NPY5R: variants seen among roughly 807,000 people sequenced by gnomAD.
NPY5R encodes the protein neuropeptide Y receptor Y5.
In NPY5R, 21 loss-of-function variants were observed where a neutral mutation model predicts 24.8. The observed-to-expected ratio is 0.85, with a 90% confidence interval of 0.60 to 1.22. The LOEUF (loss-of-function observed/expected upper bound fraction) is 1.22. Among genes scored for constraint, NPY5R ranks in the 50% most tolerant of loss-of-function variants. NPY5R has a pLI of 0.00. For missense variants in NPY5R, 481 were observed against 521.3 expected (o/e 0.92, Z 0.75); for synonymous variants, 175 against 183.0 (o/e 0.96, Z 0.35).
At chr4:163,346,055 C>T (rs1735235190) in intron 2 of NPY5R, among the ~76,000 whole-genome samples, 1 of 151,720 alleles carries the variant, frequency 6.6e-6, no homozygotes, top group East Asian at 1.9e-4. Flanking sequence ...TTAGATATTA[C>T]ATGTGTGTAT....
rs750607555 is a variant in NPY5R, at chr4:163,351,512, G to C, written c.1239G>C (p.Leu413Phe). 6.8e-6 allele frequency: 11 copies of C among 1,613,288 alleles called. No homozygotes were observed. The South Asian group carries it at 1.2e-4, about 18-fold the overall frequency. ...FKLVYCICHL[L>F]GMMSCCLNPI... ...TGGTGTATTGCATTTGTCATTTGTT[G>C]GGCATGATGTCCTGTTGTCTTAATC... Residue 413 changes from leucine (L) to phenylalanine (F), a missense_variant, in exon 4 of 4, where the codon TTG (leucine) becomes TTC (phenylalanine). Coordinates refer to ENST00000338566, the MANE Select transcript of NPY5R (RefSeq NM_006174.4).
chr4:163,347,628 C>T (rs953014460), intron 3 of NPY5R, 106 bp downstream of exon 3: 1 of 152,176 alleles, frequency 6.6e-6, no homozygotes, highest in Non-Finnish European at 1.5e-5. Flanking sequence ...GCCAGGGGAT[C>T]ATCAGAACTC....
Position 163,350,045 on chromosome 4 carries a change from A to C in NPY5R, c.-9-220A>C, listed in dbSNP as rs550505811. On this transcript the variant is annotated intron_variant, in intron 3 of 3. Transcript: ENST00000338566. ...CGTGAACCCGGGAGGCGGAGCTTGC[A>C]GTGAGCCGAGATGGCGCCACTGCAC... Among the ~76,000 whole-genome samples the C allele has an allele frequency of 1.2e-4, 17 of 145,522 alleles. 1 individual carries two copies. Among genetic ancestry groups the C allele is most frequent in the Middle Eastern group, 3.7e-3 (1 of 270 alleles).
rs373862762 is a variant in NPY5R at position 163,347,824 on chromosome 4, A to C, written c.-10+302A>C. On this transcript the variant is annotated intron_variant, in intron 3 of 3. Transcript: ENST00000338566. ...GCAATATCAATGTAAATTGTTGGCT[A>C]GGGTCTAAGAATGAATGAATACAAT... Among the ~76,000 whole-genome samples, 15 of 152,356 alleles carry C rather than the reference A, an allele frequency of 9.8e-5. No homozygotes were observed. The South Asian group carries it at 3.1e-3, about 32-fold the overall frequency.
Position 163,350,257 on chromosome 4 carries a change from C to A in NPY5R, c.-9-8C>A. 1 of 1,510,142 alleles carries A rather than the reference C, an allele frequency of 6.6e-7. No homozygotes were observed. The highest frequency in any genetic ancestry group is 8.9e-7 in the Non-Finnish European group (1 of 1,129,838). The allele number at this position is 1,510,142 out of a possible 1,614,324, so 93.5% of individuals were successfully genotyped here. ...GGTTGCTGACAAATGTCTTTTTATT[C>A]CAAGCAGGACTATAATATGGATTTA... On this transcript the variant is annotated splice_polypyrimidine_tract_variant and splice_region_variant and intron_variant, in intron 3 of 3. Coordinates refer to ENST00000338566, the MANE Select transcript of NPY5R (RefSeq NM_006174.4).
downstream of NPY5R, chr4:163,351,957 A>G (rs1264953106): frequency 5.8e-6 from 1 of 171,842 alleles, no homozygotes; most frequent in Non-Finnish European, 1.4e-5. Flanking sequence ...GTCCAAAAAT[A>G]TAATAAGAAA....
Position 163,351,268 on chromosome 4 carries a change from G to A in NPY5R, c.995G>A (p.Gly332Glu). The A allele has an allele frequency of 6.2e-7, 1 of 1,614,036 alleles. No individual in the cohort carries two copies. The highest frequency in any genetic ancestry group is 8.5e-7 in the Non-Finnish European group (1 of 1,179,966). ...TCTTCATCCAGTAAGTTCATACCAG[G>A]GGTCCCCACTTGCTTTGAGATAAAA... ...QLSSSSKFIP[G>E]VPTCFEIKPE... The change falls in exon 4 of 4, where the codon GGG (glycine) becomes GAG (glutamate). Residue 332 changes from glycine (G) to glutamate (E), a missense_variant. Gly to Glu is a moderately conservative substitution (Grantham distance 98, BLOSUM62 -2). Transcript: ENST00000338566.
Position 163,351,552 on chromosome 4 carries a change from T to C in NPY5R, c.1279T>C (p.Phe427Leu). 6.2e-7 allele frequency: 1 copy of C among 1,609,498 alleles called. No homozygotes were observed. The highest frequency in any genetic ancestry group is 8.5e-7 in the Non-Finnish European group (1 of 1,175,820). ...TTGTCTTAATCCAATTCTATATGGG[T>C]TTCTTAATAATGGGATTAAAGCTGA... ...SCCLNPILYG[F>L]LNNGIKADLV... Residue 427 changes from phenylalanine (F) to leucine (L), a missense_variant, in exon 4 of 4, where the codon TTT becomes CTT. By Grantham distance (22) the Phe-to-Leu change is conservative (BLOSUM62 0). Transcript: ENST00000338566.
At chr4:163,349,199 G>T (rs1330489314) in intron 3 of NPY5R, 1 of 182,880 alleles carries the variant, frequency 5.5e-6, no homozygotes, top group African/African-American at 2.4e-5. Flanking sequence ...TATTCTCAAG[G>T]AGCATAAATT....
Position 163,350,811 on chromosome 4 carries a change from C to A in NPY5R, c.538C>A (p.Leu180Ile), listed in dbSNP as rs1209373978. The change falls in exon 4 of 4, where the codon CTT becomes ATT. Residue 180 changes from leucine (L) to isoleucine (I), a missense_variant. By Grantham distance (5) the Leu-to-Ile change is conservative. Transcript: ENST00000338566. ...TTCTCCCCTTCCAGTGTTTCACAGT[C>A]TTGTGGAACTTCAAGAAACATTTGG... ...ICSPLPVFHS[L>I]VELQETFGSA... The A allele has an allele frequency of 3.7e-6, 6 of 1,613,910 alleles. No individual in the cohort carries two copies. Among genetic ancestry groups the A allele is most frequent in the South Asian group, 1.1e-5 (1 of 91,078 alleles).
At chr4:163,347,216 A>G (rs1237494528) in intron 2 of NPY5R, among the ~76,000 whole-genome samples, 1 of 152,230 alleles carries the variant, frequency 6.6e-6, no homozygotes, top group African/African-American at 2.4e-5. Flanking sequence ...TAAGAGTTTT[A>G]TCTCCATTCG....
Position 163,351,576 on chromosome 4 carries a change from G to A in NPY5R, c.1303G>A (p.Asp435Asn), listed in dbSNP as rs917746483. The A allele has an allele frequency of 6.2e-7, 1 of 1,609,274 alleles. No individual in the cohort carries two copies. Among genetic ancestry groups the A allele is most frequent in the Non-Finnish European group, 8.5e-7 (1 of 1,175,926 alleles). The part of the protein sequence containing the change: ...YGFLNNGIKA[D>N]LVSLIHCLHM Reference sequence around the variant, plus strand: ...GTTTCTTAATAATGGGATTAAAGCTGATTTAGTGTCCCTTATACACTGTCT... The same window carrying A: ...GTTTCTTAATAATGGGATTAAAGCTAATTTAGTGTCCCTTATACACTGTCT... Residue 435 changes from aspartate (D) to asparagine (N), a missense_variant, in exon 4 of 4, where the codon GAT becomes AAT. Coordinates refer to ENST00000338566, the MANE Select transcript of NPY5R (RefSeq NM_006174.4).
chr4:163,350,115 A>G, intron 3 of NPY5R, 150 bp from the exon 4 acceptor site: 1 of 426,798 alleles, frequency 2.3e-6, no homozygotes, highest in East Asian at 4.0e-5. Flanking sequence ...AAAAAAAAAA[A>G]AAAAAAAAAA....
chr4:163,351,489 G>C lies in NPY5R; in HGVS notation c.1216G>C (p.Val406Leu). The change falls in exon 4 of 4, where the codon GTG becomes CTG. Residue 406 changes from valine (V) to leucine (L), a missense_variant. By Grantham distance (32) the Val-to-Leu change is conservative (BLOSUM62 1). Coordinates refer to ENST00000338566, the MANE Select transcript of NPY5R (RefSeq NM_006174.4). ...TATTTCAAATAGGCATTTCAAGTTG[G>C]TGTATTGCATTTGTCATTTGTTGGG... ...NLISNRHFKL[V>L]YCICHLLGMM... 6.2e-7 allele frequency: 1 copy of C among 1,613,848 alleles called. No individual in the cohort carries two copies. The highest frequency in any genetic ancestry group is 1.7e-5 in the Admixed American group (1 of 60,016).
chr4:163,346,728 C>T (rs1012733188), intron 2 of NPY5R, among the ~76,000 whole-genome samples: 1 of 152,106 alleles, frequency 6.6e-6, no homozygotes, highest in Non-Finnish European at 1.5e-5. Flanking sequence ...ATTTTATGTG[C>T]ATATATTTAA....
At chr4:163,346,315 T>G (rs1264130579) in intron 2 of NPY5R, among the ~76,000 whole-genome samples, 1 of 152,222 alleles carries the variant, frequency 6.6e-6, no homozygotes, top group African/African-American at 2.4e-5. Context: ...CATTTATTAA[T>G]TCATTCATCA....
chr4:163,350,158 G>A, intron 3 of NPY5R, 107 bp from the exon 4 acceptor site: 1 of 661,354 alleles, frequency 1.5e-6, no homozygotes, highest in Non-Finnish European at 2.4e-6. Flanking sequence ...GATTAATAAG[G>A]TCACGGGAGC....
chr4:163,352,186 A>G (rs540184107), downstream of NPY5R, among the ~76,000 whole-genome samples: 39 of 152,280 alleles, frequency 2.6e-4, no homozygotes, highest in Middle Eastern at 3.4e-3. Context: ...GGAAAATGCT[A>G]TTGCCTATTG....
Position 163,351,082 on chromosome 4 carries a change from A to C in NPY5R, c.809A>C (p.Lys270Thr). 6.2e-7 allele frequency: 1 copy of C among 1,614,136 alleles called. No homozygotes were observed. Among genetic ancestry groups the C allele is most frequent in the Middle Eastern group, 1.6e-4 (1 of 6,062 alleles). The change falls in exon 4 of 4, where the codon AAA becomes ACA. Residue 270 changes from lysine (K) to threonine (T), a missense_variant. Coordinates refer to ENST00000338566, the MANE Select transcript of NPY5R (RefSeq NM_006174.4). ...HPSKKSGPQV[K>T]LSGSHKWSYS... ...TCCAAAAAGAGTGGGCCTCAGGTGA[A>C]ACTCTCTGGCAGCCATAAATGGAGT...
Sources: allele counts gnomAD v4.1 joint callset (sites outside exome capture counted in the v4.1 genomes callset), GRCh38; gene constraint gnomAD v4.1.1; transcripts MANE v1.5; gene names NCBI Gene and HGNC (gene_info 2026-07-23, HGNC 2026-07-21).